The following VAV2 variants were observed in gnomAD, a reference collection of about 807,000 sequenced individuals.
VAV2 encodes guanine nucleotide exchange factor VAV2.
A neutral mutation model predicts 132.5 loss-of-function variants in VAV2; 67 were observed. The ratio of observed to expected loss-of-function variants is 0.51; its 90% CI spans 0.42 to 0.62. The LOEUF (loss-of-function observed/expected upper bound fraction) is 0.62. VAV2 is among the 20% of genes least tolerant of loss of function. VAV2 has a pLI of 0.00. For missense variants in VAV2, 938 were observed against 1,153.6 expected, an observed-to-expected ratio of 0.81 and a Z score of 2.71; for synonymous variants, 492 against 443.5, an observed-to-expected ratio of 1.11 and a Z score of -1.37.
intron 2 of VAV2, among the ~76,000 whole-genome samples, chr9:133,914,311 G>A (rs182061814): frequency 1.8e-4 from 28 of 152,204 alleles, no homozygotes; most frequent in African/African-American, 6.0e-4. Flanking sequence ...GAAATGCACC[G>A]GGACACGAAT....
intron 3 of VAV2, among the ~76,000 whole-genome samples, chr9:133,845,322 A>T (rs1161443505): frequency 1.3e-5 from 2 of 152,216 alleles, no homozygotes; most frequent in Admixed American, 1.3e-4. Flanking sequence ...GCCCAAGGCA[A>T]CAAGTTTAAA....
In VAV2 at chr9:133,827,065, C is replaced by T. The variant is rs192070127; in HGVS notation, c.449+7207G>A. On this transcript the variant is annotated intron_variant, in intron 4 of 29. Transcript: ENST00000371850. The stretch of plus-strand genomic sequence containing the variant: ...GTGAACAGAAAATGGGAACTAGGAA[C>T]GCTGGCTGCAGTGCCAGGAGGGGGA... Among the ~76,000 whole-genome samples the T allele has an allele frequency of 1.8e-4, 28 of 152,330 alleles. No individual in the cohort carries two copies. In the South Asian group the frequency reaches 2.3e-3, roughly 12 times the overall value.
rs1842467382 is a variant in VAV2, at chr9:133,975,194, C to A, written c.204+16881G>T. Among the ~76,000 whole-genome samples the A allele has an allele frequency of 1.3e-5, 2 of 152,214 alleles. 1 individual carries two copies. Among genetic ancestry groups the A allele is most frequent in the Admixed American group, 1.3e-4 (2 of 15,286 alleles). ...CCCTTACTAGGAAAGGCAGGCACCC[C>A]AGCCTGCCCCGGCACCCCCGCCATG... On this transcript the variant is annotated intron_variant, in intron 1 of 29. Transcript: ENST00000371850.
At chr9:133,950,981 A>G (rs1841541352) in intron 1 of VAV2, among the ~76,000 whole-genome samples, 1 of 152,206 alleles carries the variant, frequency 6.6e-6, no homozygotes, top group Non-Finnish European at 1.5e-5. Context: ...ACTAAAATGA[A>G]AGCCAAATGG....
rs577979308 is a variant in VAV2 at position 133,987,501 on chromosome 9, G to A, written c.204+4574C>T. On this transcript the variant is annotated intron_variant, in intron 1 of 29. Transcript: ENST00000371850. ...ATCAAAAAGGCCCGGAGGGGGGGAT[G>A]CCAAAACCATCGCCAGGCTGGCGTG... Among the ~76,000 whole-genome samples the A allele has an allele frequency of 7.2e-4, 110 of 152,370 alleles. 2 individuals carry two copies. Among genetic ancestry groups the A allele is most frequent in the Admixed American group, 6.1e-3 (93 of 15,308 alleles).
chr9:133,849,591 C>T (rs1837087722), intron 3 of VAV2, among the ~76,000 whole-genome samples: 1 of 152,210 alleles, frequency 6.6e-6, no homozygotes, highest in Admixed American at 6.5e-5. Flanking sequence ...GGGCTTAAAA[C>T]AACAGAAATT....
At chr9:133,764,417 G>A (rs541473001) in intron 29 of VAV2, among the ~76,000 whole-genome samples, 1 of 152,036 alleles carries the variant, frequency 6.6e-6, no homozygotes, top group South Asian at 2.1e-4. Context: ...ACACAAGCTT[G>A]GCATTCAGTC....
chr9:133,903,230 G>A (rs1433446124), intron 2 of VAV2, among the ~76,000 whole-genome samples: 3 of 152,094 alleles, frequency 2.0e-5, no homozygotes, highest in East Asian at 3.9e-4. Flanking sequence ...CAGCCCCGCC[G>A]CCACCCTGAT....
rs139729151 is a variant in VAV2, at chr9:133,966,958, C to G, written c.204+25117G>C. 6.9e-3 allele frequency among the ~76,000 whole-genome samples: 1,027 copies of G among 149,464 alleles called. 6 individuals are homozygous for G. The highest frequency in any genetic ancestry group is 0.035 in the Middle Eastern group (10 of 286). On this transcript the variant is annotated intron_variant, in intron 1 of 29. Coordinates refer to ENST00000371850, the MANE Select transcript of VAV2 (RefSeq NM_001134398.2). ...GCTGAGGCAGGAGAATTGCTTGAAC[C>G]CAGGAGGCAGAGGTGGCAGTAAGCC...
intron 2 of VAV2, among the ~76,000 whole-genome samples, chr9:133,924,799 C>T (rs1374117722): frequency 6.6e-6 from 1 of 152,144 alleles, no homozygotes; most frequent in African/African-American, 2.4e-5. Flanking sequence ...TCACAGGAGC[C>T]GAAGGTGAAA....
chr9:133,820,348 C>T (rs6479624), intron 4 of VAV2, among the ~76,000 whole-genome samples: 27,708 of 146,084 alleles, frequency 0.19, 3,271 homozygotes, highest in African/African-American at 0.32. Context: ...TTTTTTGAGA[C>T]GGAGTCTCGC....
Position 133,905,227 on chromosome 9 carries a change from G to A in VAV2, c.321+33876C>T, listed in dbSNP as rs573414080. Reference sequence around the variant, plus strand: ...GTGGATCACCTGAGGTCAGGAGTTCGAGACCAGCCTGGCCAACACGGTGAA... The same window carrying A: ...GTGGATCACCTGAGGTCAGGAGTTCAAGACCAGCCTGGCCAACACGGTGAA... On this transcript the variant is annotated intron_variant, in intron 2 of 29. Transcript: ENST00000371850. 6.1e-4 allele frequency among the ~76,000 whole-genome samples: 92 copies of A among 151,488 alleles called. No individual in the cohort carries two copies. In the Middle Eastern group the frequency reaches 0.02, roughly 34 times the overall value.
chr9:133,891,310 G>A (rs1195529362), intron 2 of VAV2, among the ~76,000 whole-genome samples: 2 of 103,548 alleles, frequency 1.9e-5, no homozygotes, highest in African/African-American at 8.0e-5. Flanking sequence ...GATGGGGGAT[G>A]GAGGGGGAGA....
chr9:133,834,331 G>A lies in VAV2; in HGVS notation c.390C>T (p.Pro130=), dbSNP rs759009681. 3 of 1,612,658 alleles carry A rather than the reference G, an allele frequency of 1.9e-6. No homozygotes were observed. The highest frequency in any genetic ancestry group is 1.3e-5 in the African/African-American group (1 of 75,022). ...IAQNKGIRPF[P]SEETTENDDD... ...CGTCATTCTCTGTGGTCTCCTCTGA[G>A]GGAAAAGGCCTGCGGAAGAGAAGGC... Residue 130 remains proline (P), a synonymous_variant, in exon 4 of 30, where the codon CCC becomes CCT. Transcript: ENST00000371850. This position sits in a 1 kb window ranked among gnomAD's most constrained non-coding sequence, Gnocchi z 5.9.
At position 133,872,542 on chromosome 9, in the gene VAV2, G is replaced by A. The variant is rs576521921; in HGVS notation, c.322-11110C>T. 1.3e-4 allele frequency among the ~76,000 whole-genome samples: 20 copies of A among 152,292 alleles called. No individual in the cohort carries two copies. The East Asian group carries it at 2.7e-3, about 21-fold the overall frequency. On this transcript the variant is annotated intron_variant, in intron 2 of 29. Coordinates refer to ENST00000371850, the MANE Select transcript of VAV2 (RefSeq NM_001134398.2). ...GGTCGGGGTCCTAGGCCCAGTTCCC[G>A]ACACCTCCAGAGGAAACCCAAAGCC...
rs1330834323 is a variant in VAV2 at position 133,783,876 on chromosome 9, CGTTT to C, written c.1635-289_1635-286del. Among the ~76,000 whole-genome samples, 16 of 124,964 alleles carry C rather than the reference CGTTT, an allele frequency of 1.3e-4. 1 individual carries two copies. The highest frequency in any genetic ancestry group is 1.6e-4 in the Non-Finnish European group (10 of 61,602). 82.0% of individuals were successfully genotyped at this position (124,964 alleles called of 152,430 possible). On this transcript the variant is annotated intron_variant, in intron 18 of 29. Transcript: ENST00000371850. ...TGAAACTCTAAGGGCTTGGCTGGGC[CGTTT>C]TTTTTTTTTTTTTTTTTGGAGACAG...
intron 2 of VAV2, among the ~76,000 whole-genome samples, chr9:133,892,115 C>T (rs1480232557): frequency 1.0e-5 from 1 of 99,024 alleles, no homozygotes; most frequent in Non-Finnish European, 2.0e-5. Flanking sequence ...GCATTGGGTA[C>T]GGGGTGGAAG....
chr9:133,974,343 G>A (rs1048447591), intron 1 of VAV2, among the ~76,000 whole-genome samples: 2 of 152,244 alleles, frequency 1.3e-5, no homozygotes, highest in South Asian at 2.1e-4. Context: ...GTCCCAGAAC[G>A]GCCCACAGTG....
At chr9:133,813,344 G>A (rs1835431142) in intron 4 of VAV2, among the ~76,000 whole-genome samples, 2 of 152,242 alleles carry the variant, frequency 1.3e-5, no homozygotes, top group Admixed American at 6.5e-5. Context: ...AGCCGGGGCA[G>A]GAGCAATCCC....
Sources: gnomAD v4.1 joint callset for allele counts (sites outside exome capture counted in the v4.1 genomes callset) on GRCh38, gnomAD v4.1.1 for gene constraint, Gnocchi (gnomAD v3.1) non-coding constraint, MANE v1.5 for transcripts, NCBI Gene and HGNC (gene_info 2026-07-23, HGNC 2026-07-21) for gene names.